COMT: variants seen among roughly 807,000 people sequenced by gnomAD.
COMT encodes the protein catechol O-methyltransferase.
COMT carries 13 observed loss-of-function variants against 18.9 expected under a neutral mutation model. The ratio of observed to expected loss-of-function variants is 0.69; its 90% CI spans 0.45 to 1.09. The LOEUF (loss-of-function observed/expected upper bound fraction) is 1.09, where lower values mean the gene tolerates loss of function less well. COMT is among the 50% of genes least tolerant of loss of function. The probability of loss-of-function intolerance (pLI) is 0.00; values close to 1 mark genes in which losing one functional copy is unlikely to be tolerated. For synonymous variants in COMT, 150 were observed against 160.9 expected (o/e 0.93, Z 0.51); for missense variants, 329 against 361.8 (o/e 0.91, Z 0.73).
Position 19,967,193 on chromosome 22 carries a change from T to G in COMT, c.616-1343T>G, listed in dbSNP as rs1284090248. On this transcript the variant is annotated intron_variant, in intron 5 of 5. Transcript: ENST00000361682. The stretch of plus-strand genomic sequence containing the variant: ...AGTGGTCTGGTGTCTTTCAGTCCGC[T>G]GACGTCTTCTGTATCCCTGATGACC... 3 of 1,304,860 alleles carry G rather than the reference T, an allele frequency of 2.3e-6. No homozygotes were observed. The South Asian group carries it at 3.7e-5, about 16-fold the overall frequency. The allele number at this position is 1,304,860 out of a possible 1,614,324, so 80.8% of individuals were successfully genotyped here.
At position 19,961,466 on chromosome 22, in the gene COMT, T is replaced by C. The variant is rs138476598; in HGVS notation, c.-1+177T>C. On this transcript the variant is annotated intron_variant, in intron 2 of 5. Coordinates refer to ENST00000361682, the MANE Select transcript of COMT (RefSeq NM_000754.4). Reference sequence around the variant, plus strand: ...CCTCCCCCTAGGGCGGAGCCTCTGCTTCCCTGTTCTCTTCTGCTCTGTCCT... The same window carrying C: ...CCTCCCCCTAGGGCGGAGCCTCTGCCTCCCTGTTCTCTTCTGCTCTGTCCT... Among the ~76,000 whole-genome samples the C allele has an allele frequency of 2.0e-5, 3 of 152,324 alleles. No homozygotes were observed. In the East Asian group the frequency reaches 5.8e-4, roughly 29 times the overall value.
chr22:19,953,573 G>A (rs980991132), intron 1 of COMT, among the ~76,000 whole-genome samples: 4 of 152,148 alleles, frequency 2.6e-5, no homozygotes, highest in African/African-American at 7.2e-5. Context: ...GATTACAGGC[G>A]TGAGCCACTG....
chr22:19,965,814 G>A (rs1280573286), intron 5 of COMT, among the ~76,000 whole-genome samples: 3 of 150,704 alleles, frequency 2.0e-5, no homozygotes, highest in African/African-American at 7.3e-5. Context: ...CAAGGGGGTG[G>A]GCATTGGGAG....
At chr22:19,962,263 A>G in intron 2 of COMT, 1 of 566,600 alleles carries the variant, frequency 1.8e-6, no homozygotes, top group Non-Finnish European at 3.2e-6. Flanking sequence ...GGAAGCACCC[A>G]GGGCCAGGGA....
At chr22:19,952,806 C>G (rs1024315445) in intron 1 of COMT, among the ~76,000 whole-genome samples, 5 of 151,208 alleles carry the variant, frequency 3.3e-5, no homozygotes, top group Admixed American at 2.0e-4. Flanking sequence ...CAAAAATTAG[C>G]TAGGCGTGGT....
intron 5 of COMT, chr22:19,967,685 A>G (rs1942494202): frequency 3.7e-6 from 1 of 272,240 alleles, no homozygotes; most frequent in East Asian, 1.1e-4. Flanking sequence ...ATTATACTTT[A>G]GATGTTTGAG....
At position 19,941,797 on chromosome 22, in the gene COMT, C is replaced by T; in HGVS notation, c.-192C>T. 6.5e-7 allele frequency: 1 copy of T among 1,534,964 alleles called. No homozygotes were observed. ...AATCCCCGCAGCGCCACCGCCATTG[C>T]CGCCATCGTCGTGGGGCTTCTGGGG... On this transcript the variant is annotated 5_prime_UTR_variant, in exon 1 of 6. Coordinates refer to ENST00000361682, the MANE Select transcript of COMT (RefSeq NM_000754.4).
chr22:19,962,834 G>A lies in COMT; in HGVS notation c.289+19G>A. 1.3e-6 allele frequency: 2 copies of A among 1,595,344 alleles called. No individual in the cohort carries two copies. The highest frequency in any genetic ancestry group is 4.5e-5 in the East Asian group (2 of 44,562). ...AAGAAAGGTGGGGTCCGGGCCAGCAGGTGCTCAGCTCTGGGACAGGGACCC... is the reference window on the plus strand; with the variant it reads ...AAGAAAGGTGGGGTCCGGGCCAGCAAGTGCTCAGCTCTGGGACAGGGACCC... On this transcript the variant is annotated intron_variant, in intron 3 of 5. Coordinates refer to ENST00000361682, the MANE Select transcript of COMT (RefSeq NM_000754.4).
chr22:19,963,935 C>A, intron 4 of COMT, 176 bp downstream of exon 4: 1 of 1,147,112 alleles, frequency 8.7e-7, no homozygotes, highest in Non-Finnish European at 1.3e-6. Context: ...CCCAGCAGCT[C>A]AGTGAGGGTC....
Position 19,968,944 on chromosome 22 carries a change from C to T in COMT, c.*208C>T. 1.7e-6 allele frequency: 1 copy of T among 578,740 alleles called. No homozygotes were observed. Among genetic ancestry groups the T allele is most frequent in the Non-Finnish European group, 3.1e-6 (1 of 322,472 alleles). 35.9% of individuals were successfully genotyped at this position (578,740 alleles called of 1,614,324 possible). Reference sequence around the variant, plus strand: ...GACTCAATCATGACTTCTTTACTAACACTGGCTAGCTATATTATCTTATAT... The same window carrying T: ...GACTCAATCATGACTTCTTTACTAATACTGGCTAGCTATATTATCTTATAT... On this transcript the variant is annotated 3_prime_UTR_variant, in exon 6 of 6. Coordinates refer to ENST00000361682, the MANE Select transcript of COMT (RefSeq NM_000754.4).
Position 19,969,433 on chromosome 22 carries a change from A to C in COMT, c.*697A>C, listed in dbSNP as rs35593000. On this transcript the variant is annotated 3_prime_UTR_variant, in exon 6 of 6. Coordinates refer to ENST00000361682, the MANE Select transcript of COMT (RefSeq NM_000754.4). ...TTGCTTACAGAAGAGGCAATGGCTC[A>C]GACCAGCTCCCGCATCCCTGTAGTT... 2.6e-5 allele frequency: 4 copies of C among 152,510 alleles called. No homozygotes were observed. The highest frequency in any genetic ancestry group is 9.7e-5 in the African/African-American group (4 of 41,440). 9.4% of individuals were successfully genotyped at this position (152,510 alleles called of 1,614,324 possible).
At chr22:19,961,430 T>C (rs1000874926) in intron 2 of COMT, 141 bp downstream of exon 2, 1 of 152,478 alleles carries the variant, frequency 6.6e-6, no homozygotes, top group Admixed American at 6.5e-5. Flanking sequence ...AGAAGCCTGG[T>C]GTCCGCATGA....
At chr22:19,963,823 C>T (rs773917910) in intron 4 of COMT, 64 bp downstream of exon 4, 29 of 1,527,540 alleles carry the variant, frequency 1.9e-5, no homozygotes, top group African/African-American at 1.4e-4. Flanking sequence ...GGAGGGCATG[C>T]GCACTTTGTC....
chr22:19,968,877 G>A lies in COMT; in HGVS notation c.*141G>A. On this transcript the variant is annotated 3_prime_UTR_variant, in exon 6 of 6. Coordinates refer to ENST00000361682, the MANE Select transcript of COMT (RefSeq NM_000754.4). Reference sequence around the variant, plus strand: ...TCGGCCGAGGCCTGCGCCCTGACATGCTAACCTCTCTGAACTGCAACACTG... The same window carrying A: ...TCGGCCGAGGCCTGCGCCCTGACATACTAACCTCTCTGAACTGCAACACTG... 1.3e-6 allele frequency: 1 copy of A among 745,934 alleles called. No homozygotes were observed. Among genetic ancestry groups the A allele is most frequent in the South Asian group, 1.5e-5 (1 of 64,518 alleles). The allele number at this position is 745,934 out of a possible 1,614,324, so 46.2% of individuals were successfully genotyped here.
At chr22:19,948,552 C>G (rs1941876680) in intron 1 of COMT, among the ~76,000 whole-genome samples, 1 of 152,072 alleles carries the variant, frequency 6.6e-6, no homozygotes, top group Non-Finnish European at 1.5e-5. Context: ...CCCATGTACT[C>G]TGAAGACTGA....
intron 5 of COMT, among the ~76,000 whole-genome samples, chr22:19,965,874 ACC>A (rs1189267290): frequency 2.0e-4 from 31 of 152,108 alleles, no homozygotes; most frequent in Non-Finnish European, 3.4e-4. Flanking sequence ...AGGGGGGCTC[ACC>A]CCTGACAAAG....
chr22:19,967,330 G>A (rs1942460372), intron 5 of COMT: 1 of 697,568 alleles, frequency 1.4e-6, no homozygotes. Flanking sequence ...TCAAGGCCTA[G>A]GCCATTGTCC....
intron 1 of COMT, among the ~76,000 whole-genome samples, chr22:19,954,644 G>A (rs1445897623): frequency 6.6e-6 from 1 of 152,068 alleles, no homozygotes; most frequent in African/African-American, 2.4e-5. Context: ...TAGAGACTGG[G>A]GTTTCACCAT....
At chr22:19,967,265 C>T (rs757163724) in intron 5 of COMT, 3 of 1,252,650 alleles carry the variant, frequency 2.4e-6, no homozygotes, top group East Asian at 1.1e-4. Flanking sequence ...AGTCCAGGAG[C>T]CCAGGCCCCT....
Sources: gnomAD v4.1 joint callset for allele counts (sites outside exome capture counted in the v4.1 genomes callset) on GRCh38, gnomAD v4.1.1 for gene constraint, MANE v1.5 for transcripts, NCBI Gene and HGNC (gene_info 2026-07-23, HGNC 2026-07-21) for gene names.